The following ADAM12 variants were observed in gnomAD, a reference collection of about 807,000 sequenced individuals.
The protein encoded by ADAM12 is disintegrin and metalloproteinase domain-containing protein 12.
A neutral mutation model predicts 106.4 loss-of-function variants in ADAM12; 70 were observed. That is an observed-to-expected ratio of 0.66 (90% CI 0.54 to 0.80). ADAM12 has a LOEUF of 0.80. Among genes scored for constraint, ADAM12 ranks in the 30% least tolerant of loss-of-function variants. The probability of loss-of-function intolerance (pLI) is 0.00; values close to 1 mark genes in which losing one functional copy is unlikely to be tolerated. For missense variants in ADAM12, 1,010 were observed against 1,171.9 expected, an observed-to-expected ratio of 0.86 and a Z score of 2.02; for synonymous variants, 420 against 433.5, an observed-to-expected ratio of 0.97 and a Z score of 0.39.
chr10:126,227,419 G>A (rs1261462120), intron 3 of ADAM12, among the ~76,000 whole-genome samples: 1 of 152,098 alleles, frequency 6.6e-6, no homozygotes, highest in Non-Finnish European at 1.5e-5. Context: ...CGCACATTGT[G>A]AGGCACTTAG....
At chr10:126,056,028 G>C (rs1388290535) in intron 14 of ADAM12, among the ~76,000 whole-genome samples, 2 of 152,216 alleles carry the variant, frequency 1.3e-5, no homozygotes, top group Non-Finnish European at 2.9e-5. Flanking sequence ...TGAGGGAGCA[G>C]TTCCTCAAGA....
intron 1 of ADAM12, among the ~76,000 whole-genome samples, chr10:126,357,111 C>T (rs10736872): frequency 0.69 from 104,996 of 152,146 alleles, 36,523 homozygotes; most frequent in African/African-American, 0.75. Context: ...CCTGAAAGCA[C>T]AGAAGTTTCC....
intron 2 of ADAM12, among the ~76,000 whole-genome samples, chr10:126,311,525 G>T (rs1470781020): frequency 6.6e-6 from 1 of 152,066 alleles, no homozygotes; most frequent in Non-Finnish European, 1.5e-5. Flanking sequence ...GTGACTCTTG[G>T]TGGGCTCCTG....
chr10:126,264,538 C>T (rs2133717874), intron 3 of ADAM12, among the ~76,000 whole-genome samples: 1 of 152,274 alleles, frequency 6.6e-6, no homozygotes, highest in Non-Finnish European at 1.5e-5. Flanking sequence ...TGAAATCCAC[C>T]AGCATACTGA....
chr10:126,370,614 C>T lies in ADAM12; in HGVS notation c.88+17444G>A, dbSNP rs118152288. ...ACAGGACAAGTTCCTGGGATTCACA[C>T]AGCTAAAGACTCAAGTATTGTTCTA... On this transcript the variant is annotated intron_variant, in intron 1 of 22. Coordinates refer to ENST00000448723, the MANE Select transcript of ADAM12 (RefSeq NM_001288973.2). Among the ~76,000 whole-genome samples, 520 of 152,340 alleles carry T rather than the reference C, an allele frequency of 3.4e-3. 2 individuals are homozygous for T. Among genetic ancestry groups the T allele is most frequent in the Admixed American group, 5.5e-3 (84 of 15,310 alleles).
intron 3 of ADAM12, among the ~76,000 whole-genome samples, chr10:126,165,365 C>T (rs919320709): frequency 6.6e-6 from 1 of 152,210 alleles, no homozygotes; most frequent in African/African-American, 2.4e-5. Context: ...GATGGGGTTT[C>T]GCCATGTTGG....
Position 126,101,103 on chromosome 10 carries a change from G to A in ADAM12, c.880C>T (p.Arg294Cys), listed in dbSNP as rs1475845675. The A allele has an allele frequency of 1.2e-6, 2 of 1,613,864 alleles. No homozygotes were observed. The highest frequency in any genetic ancestry group is 1.7e-6 in the Non-Finnish European group (2 of 1,179,884). The change falls in exon 9 of 23, where the codon CGC (arginine) becomes TGC (cysteine). Residue 294 changes from arginine (R) to cysteine (C), a missense_variant. By Grantham distance (180) the Arg-to-Cys change is radical (BLOSUM62 -3). This residue lies in a region of ADAM12 where 391 missense variants were observed against 442.9 expected (regional missense o/e 0.88). Transcript: ENST00000448723. ...AGCTGCGCATTGTCATGGGATTTGCGAGGTAGAAGCTTCATCTTCCTCCAG... is the reference window on the plus strand; with the variant it reads ...AGCTGCGCATTGTCATGGGATTTGCAAGGTAGAAGCTTCATCTTCCTCCAG... ...LDWRKMKLLPRKSHDNAQLVS... is the reference protein window; with the variant it reads ...LDWRKMKLLPCKSHDNAQLVS...
At chr10:126,155,168 A>T (rs1417113950) in intron 4 of ADAM12, 59 bp downstream of exon 4, 1 of 1,573,890 alleles carries the variant, frequency 6.4e-7, no homozygotes, top group East Asian at 2.2e-5. Flanking sequence ...AATGGCTACA[A>T]AGGTTAAGCA....
chr10:126,368,349 G>A (rs1266009741), intron 1 of ADAM12, among the ~76,000 whole-genome samples: 2 of 132,126 alleles, frequency 1.5e-5, no homozygotes, highest in Non-Finnish European at 3.2e-5. Flanking sequence ...CTTAGATTGT[G>A]TGATTTGTTT....
chr10:126,330,068 A>G (rs1854452723), intron 2 of ADAM12, among the ~76,000 whole-genome samples: 1 of 152,228 alleles, frequency 6.6e-6, no homozygotes, highest in African/African-American at 2.4e-5. Flanking sequence ...GCAATAATCA[A>G]TTCGAGGAAA....
intron 1 of ADAM12, among the ~76,000 whole-genome samples, chr10:126,374,380 C>G (rs1361745242): frequency 6.6e-6 from 1 of 151,982 alleles, no homozygotes; most frequent in Middle Eastern, 3.4e-3. Context: ...AATCAGCATC[C>G]TAAGAACTTT....
At chr10:126,377,560 C>G (rs778233249) in intron 1 of ADAM12, among the ~76,000 whole-genome samples, 11 of 152,164 alleles carry the variant, frequency 7.2e-5, no homozygotes, top group Non-Finnish European at 1.5e-4. Flanking sequence ...TCCCGGCCCA[C>G]TGACTCAAAT....
chr10:126,027,424 A>G (rs976957322), intron 21 of ADAM12, among the ~76,000 whole-genome samples: 2 of 151,904 alleles, frequency 1.3e-5, no homozygotes, highest in Non-Finnish European at 2.9e-5. Flanking sequence ...ATAAAAAAAA[A>G]CCTCAGGCCA....
rs1200771515 is a variant in ADAM12, at chr10:126,014,486, G to T, written c.*2793C>A. The T allele has an allele frequency of 6.7e-6, 1 of 148,308 alleles. No homozygotes were observed. The highest frequency in any genetic ancestry group is 2.0e-4 in the East Asian group (1 of 5,048). The allele number at this position is 148,308 out of a possible 1,614,324, so 9.2% of individuals were successfully genotyped here. A position where few individuals can be genotyped will look rare whatever the true frequency, so the allele number is the denominator to read the frequency against. On this transcript the variant is annotated 3_prime_UTR_variant, in exon 23 of 23. Transcript: ENST00000448723. ...TCCTACAGTTTAATTTGCTGCTTTT[G>T]TGGTTTCTGTGATGTCATCCCACAT...
chr10:126,307,550 T>C (rs10794078), intron 2 of ADAM12, among the ~76,000 whole-genome samples: 102,743 of 151,840 alleles, frequency 0.68, 35,624 homozygotes, highest in Admixed American at 0.75. Context: ...CTTTTCTTTT[T>C]TTTGAAACAG....
At chr10:126,229,164 G>A (rs1226560782) in intron 3 of ADAM12, among the ~76,000 whole-genome samples, 3 of 152,150 alleles carry the variant, frequency 2.0e-5, no homozygotes, top group Admixed American at 6.5e-5. Context: ...CCCAGGAGGC[G>A]GGCAGGGGCT....
intron 3 of ADAM12, among the ~76,000 whole-genome samples, chr10:126,156,504 T>C (rs1405286492): frequency 6.6e-6 from 1 of 152,246 alleles, no homozygotes; most frequent in Non-Finnish European, 1.5e-5. Flanking sequence ...CTTGAGCACC[T>C]ATGCTTGGGC....
At chr10:126,366,256 C>T (rs1855905578) in intron 1 of ADAM12, among the ~76,000 whole-genome samples, 1 of 152,062 alleles carries the variant, frequency 6.6e-6, no homozygotes, top group Non-Finnish European at 1.5e-5. Context: ...GTAAAAATGA[C>T]AGATGAATGA....
At chr10:126,263,947 T>C (rs1959050050) in intron 3 of ADAM12, among the ~76,000 whole-genome samples, 1 of 152,190 alleles carries the variant, frequency 6.6e-6, no homozygotes, top group African/African-American at 2.4e-5. Context: ...TTACCCTATT[T>C]GGTAAGATAA....
Sources: gnomAD v4.1 joint callset for allele counts (sites outside exome capture counted in the v4.1 genomes callset) on GRCh38, gnomAD v4.1.1 for gene constraint, gnomAD v4.1.1 regional missense constraint, MANE v1.5 for transcripts, NCBI Gene and HGNC (gene_info 2026-07-23, HGNC 2026-07-21) for gene names.